The following DGKI variants were observed in gnomAD, a reference collection of about 807,000 sequenced individuals.
DGKI encodes diacylglycerol kinase iota.
A neutral mutation model predicts 147.5 loss-of-function variants in DGKI; 55 were observed. The ratio of observed to expected loss-of-function variants is 0.37; its 90% CI spans 0.30 to 0.47. The LOEUF is 0.47. Among genes scored for constraint, DGKI ranks in the 20% least tolerant of loss-of-function variants. The probability of loss-of-function intolerance (pLI) is 1.00; values close to 1 mark genes in which losing one functional copy is unlikely to be tolerated. For synonymous variants in DGKI, 469 were observed against 477.1 expected (o/e 0.98, Z 0.22); for missense variants, 1,007 against 1,323.8 (o/e 0.76, Z 3.71).
intron 20 of DGKI, among the ~76,000 whole-genome samples, chr7:137,542,514 T>C (rs898061354): frequency 1.3e-5 from 2 of 152,182 alleles, no homozygotes; most frequent in African/African-American, 4.8e-5. Context: ...CCATCTACAA[T>C]GGACTACACA....
At chr7:137,404,140 T>C (rs994176005) in intron 30 of DGKI, among the ~76,000 whole-genome samples, 2 of 152,196 alleles carry the variant, frequency 1.3e-5, no homozygotes, top group African/African-American at 2.4e-5. Context: ...AAGAACACTA[T>C]AATTTAAAGG....
Position 137,442,773 on chromosome 7 carries a change from A to C in DGKI, c.2761+1304T>G, listed in dbSNP as rs143654032. Among the ~76,000 whole-genome samples the C allele has an allele frequency of 6.2e-3, 938 of 152,320 alleles. 9 individuals are homozygous for C. The highest frequency in any genetic ancestry group is 0.022 in the African/African-American group (906 of 41,566). On this transcript the variant is annotated intron_variant, in intron 28 of 32. Coordinates refer to ENST00000614521, the MANE Select transcript of DGKI (RefSeq NM_001321708.2). ...CCTAAAACTCCTTCTCCCTTTTCTT[A>C]ATTCATTCATTTAATAAACACTTTT...
chr7:137,560,974 A>T (rs1818399035), intron 19 of DGKI, among the ~76,000 whole-genome samples: 1 of 150,300 alleles, frequency 6.7e-6, no homozygotes, highest in African/African-American at 2.5e-5. Context: ...GAGGTTTAAA[A>T]CTAAAGATAA....
intron 23 of DGKI, among the ~76,000 whole-genome samples, chr7:137,478,145 A>G (rs1056024376): frequency 6.6e-6 from 1 of 152,188 alleles, no homozygotes; most frequent in African/African-American, 2.4e-5. Context: ...CAAGATTATA[A>G]AACCTGGCAG....
intron 28 of DGKI, among the ~76,000 whole-genome samples, chr7:137,431,532 G>A (rs1813071328): frequency 6.6e-6 from 1 of 152,186 alleles, no homozygotes; most frequent in South Asian, 2.1e-4. Context: ...GTGGCAAGGT[G>A]TGGCAACAGA....
intron 1 of DGKI, among the ~76,000 whole-genome samples, chr7:137,791,546 T>C (rs554517893): frequency 6.6e-6 from 1 of 152,354 alleles, no homozygotes; most frequent in East Asian, 1.9e-4. Context: ...GGTAGAGCTA[T>C]GTCCCTTAAA....
chr7:137,557,481 T>C (rs1818264496), intron 19 of DGKI, among the ~76,000 whole-genome samples: 1 of 152,188 alleles, frequency 6.6e-6, no homozygotes, highest in Non-Finnish European at 1.5e-5. Context: ...ATGGATAATT[T>C]AGCCAAAGAG....
chr7:137,721,779 C>T (rs942803988), intron 1 of DGKI, among the ~76,000 whole-genome samples: 11 of 152,192 alleles, frequency 7.2e-5, no homozygotes, highest in Non-Finnish European at 8.8e-5. Context: ...CTCTTACCCT[C>T]TTATATGCCC....
At chr7:137,649,988 A>G (rs1001771424) in intron 5 of DGKI, among the ~76,000 whole-genome samples, 1 of 152,066 alleles carries the variant, frequency 6.6e-6, no homozygotes, top group African/African-American at 2.4e-5. Flanking sequence ...CTTACCACTT[A>G]GTGGAAACGA....
chr7:137,798,999 C>A lies in DGKI; in HGVS notation c.401+47463G>T, dbSNP rs543095253. The stretch of plus-strand genomic sequence containing the variant: ...CAACAAAACTAGGAATATAAGGGAA[C>A]GTCCTCAACCTAATAAAGGACATCT... On this transcript the variant is annotated intron_variant, in intron 1 of 32. Coordinates refer to ENST00000614521, the MANE Select transcript of DGKI (RefSeq NM_001321708.2). Among the ~76,000 whole-genome samples, 27 of 152,208 alleles carry A rather than the reference C, an allele frequency of 1.8e-4. No individual in the cohort carries two copies. The South Asian group carries it at 5.2e-3, about 29-fold the overall frequency.
At chr7:137,680,252 T>G (rs1457746163) in intron 2 of DGKI, among the ~76,000 whole-genome samples, 1 of 152,170 alleles carries the variant, frequency 6.6e-6, no homozygotes, top group Non-Finnish European at 1.5e-5. Flanking sequence ...GCCAGCACCT[T>G]GACCTTGGAC....
chr7:137,766,759 C>T (rs1796026661), intron 1 of DGKI, among the ~76,000 whole-genome samples: 1 of 152,110 alleles, frequency 6.6e-6, no homozygotes, highest in Non-Finnish European at 1.5e-5. Context: ...GAGGGTGGTG[C>T]ATGGGTAAAC....
At position 137,724,284 on chromosome 7, in the gene DGKI, C is replaced by T. The variant is rs570883086; in HGVS notation, c.402-34282G>A. On this transcript the variant is annotated intron_variant, in intron 1 of 32. Coordinates refer to ENST00000614521, the MANE Select transcript of DGKI (RefSeq NM_001321708.2). ...GGCATTTATAGGCCATGGTGAGGAC[C>T]TTGGATTTTCTAAGGGCAAAAAGAA... Among the ~76,000 whole-genome samples, 10 of 152,216 alleles carry T rather than the reference C, an allele frequency of 6.6e-5. No individual in the cohort carries two copies. The East Asian group carries it at 1.9e-3, about 29-fold the overall frequency.
At position 137,586,683 on chromosome 7, in the gene DGKI, TAA is replaced by T. The variant is rs374116986; in HGVS notation, c.1425+412_1425+413del. On this transcript the variant is annotated intron_variant, in intron 13 of 32. Coordinates refer to ENST00000614521, the MANE Select transcript of DGKI (RefSeq NM_001321708.2). ...ATCAAAACAAAACAAAATAAAATGC[TAA>T]AAAAAAAAAGTCATAACTCTCCCAA... 3.5e-5 allele frequency among the ~76,000 whole-genome samples: 5 copies of T among 144,116 alleles called. No individual in the cohort carries two copies. The South Asian group carries it at 6.6e-4, about 19-fold the overall frequency. 94.5% of individuals were successfully genotyped at this position (144,116 alleles called of 152,430 possible).
intron 20 of DGKI, among the ~76,000 whole-genome samples, chr7:137,547,135 T>C (rs1451612855): frequency 6.6e-6 from 1 of 152,236 alleles, no homozygotes; most frequent in Non-Finnish European, 1.5e-5. Context: ...TAATCCAGCA[T>C]ATTGGCTATC....
At chr7:137,593,104 A>G (rs1427165341) in intron 12 of DGKI, among the ~76,000 whole-genome samples, 1 of 152,226 alleles carries the variant, frequency 6.6e-6, no homozygotes, top group Non-Finnish European at 1.5e-5. Flanking sequence ...AGAAAAGCCA[A>G]TAGAACAAGA....
chr7:137,443,685 T>A (rs991366059), intron 28 of DGKI, among the ~76,000 whole-genome samples: 3 of 152,200 alleles, frequency 2.0e-5, no homozygotes, highest in African/African-American at 7.2e-5. Context: ...CCAATGTCCA[T>A]TCTGGAAGGG....
chr7:137,749,385 C>T (rs1311458340), intron 1 of DGKI, among the ~76,000 whole-genome samples: 1 of 152,122 alleles, frequency 6.6e-6, no homozygotes, highest in Non-Finnish European at 1.5e-5. Context: ...TTTTCCCAAG[C>T]AAGCTCCCCA....
chr7:137,401,037 G>A (rs1811738635), intron 30 of DGKI, among the ~76,000 whole-genome samples: 1 of 152,168 alleles, frequency 6.6e-6, no homozygotes, highest in Non-Finnish European at 1.5e-5. Flanking sequence ...GATGCCAGGA[G>A]AAGCCTAAGA....
Sources: gnomAD v4.1 joint callset for allele counts (sites outside exome capture counted in the v4.1 genomes callset) on GRCh38, gnomAD v4.1.1 for gene constraint, MANE v1.5 for transcripts, NCBI Gene and HGNC (gene_info 2026-07-23, HGNC 2026-07-21) for gene names.